Variants in PEX13 observed in about 807,000 individuals in gnomAD.
The protein encoded by PEX13 is peroxisomal biogenesis factor 13.
A neutral mutation model predicts 34.5 loss-of-function variants in PEX13; 28 were observed. The ratio of observed to expected loss-of-function variants is 0.81; its 90% CI spans 0.60 to 1.11. PEX13 has a LOEUF of 1.11. Among genes scored for constraint, PEX13 ranks in the 50% most tolerant of loss-of-function variants. PEX13 has a pLI of 0.00. For missense variants in PEX13, 550 were observed against 491.0 expected (o/e 1.12, Z -1.13); for synonymous variants, 177 against 175.1 (o/e 1.01, Z -0.09).
chr2:61,051,302 CAG>C lies in PEX13; in HGVS notation c.*2534_*2535del, dbSNP rs1680795171. ...TTCTCAAAACAAATGTTTGATAAAA[CAG>C]ATTATTAAATTTGGGGTTGAGATGT... is the stretch of plus-strand genomic sequence containing the variant. On this transcript the variant is annotated 3_prime_UTR_variant, in exon 4 of 4. Transcript: ENST00000295030. 1 of 152,186 alleles carries C rather than the reference CAG, an allele frequency of 6.6e-6. No homozygotes were observed. The highest frequency in any genetic ancestry group is 2.1e-4 in the South Asian group (1 of 4,834). The allele number at this position is 152,186 out of a possible 1,614,324, so 9.4% of individuals were successfully genotyped here. A position where few individuals can be genotyped will look rare whatever the true frequency, so the allele number is the denominator to read the frequency against.
At chr2:61,046,655 C>T (rs900635116) in intron 3 of PEX13, among the ~76,000 whole-genome samples, 9 of 152,112 alleles carry the variant, frequency 5.9e-5, no homozygotes, top group African/African-American at 1.9e-4. Flanking sequence ...CTTGAAGAAA[C>T]TGAGACTCAG....
chr2:61,031,436 C>G lies in PEX13; in HGVS notation c.110C>G (p.Pro37Arg). The change falls in exon 2 of 4, where the codon CCT becomes CGT. Residue 37 changes from proline (P) to arginine (R), a missense_variant. Pro to Arg is a moderately radical substitution (Grantham distance 103). Coordinates refer to ENST00000295030, the MANE Select transcript of PEX13 (RefSeq NM_002618.4). ...GGTTTTAGATCTGCTGATTTGGGTC[C>G]TACTTTAATGACAAGACCTGGACAA... ...GPTFQSADLG[P>R]TLMTRPGQPA... The G allele has an allele frequency of 6.2e-7, 1 of 1,613,958 alleles. No individual in the cohort carries two copies. The highest frequency in any genetic ancestry group is 8.5e-7 in the Non-Finnish European group (1 of 1,179,886).
At chr2:61,021,664 A>G (rs1324350177) in intron 1 of PEX13, among the ~76,000 whole-genome samples, 3 of 152,254 alleles carry the variant, frequency 2.0e-5, no homozygotes, top group South Asian at 4.1e-4. Flanking sequence ...TGAAGAGAGC[A>G]GTGGTTCTCC....
chr2:61,024,207 C>T (rs762730160), intron 1 of PEX13, among the ~76,000 whole-genome samples: 3 of 152,128 alleles, frequency 2.0e-5, no homozygotes, highest in Non-Finnish European at 4.4e-5. Context: ...CTTTGTTAGG[C>T]CTCAGTGTGG....
At chr2:61,022,420 A>G (rs1488753460) in intron 1 of PEX13, among the ~76,000 whole-genome samples, 1 of 152,250 alleles carries the variant, frequency 6.6e-6, no homozygotes, top group East Asian at 1.9e-4. Context: ...AAGTGGAAAA[A>G]AGGATATCAG....
intron 1 of PEX13, among the ~76,000 whole-genome samples, chr2:61,024,606 G>C (rs534266775): frequency 3.7e-4 from 57 of 152,224 alleles, no homozygotes; most frequent in African/African-American, 1.3e-3. Context: ...TCAGGAGATC[G>C]AGACCATCCT....
chr2:61,044,005 A>G (rs528233011), intron 2 of PEX13, among the ~76,000 whole-genome samples: 34 of 151,784 alleles, frequency 2.2e-4, no homozygotes, highest in Non-Finnish European at 4.9e-4. Flanking sequence ...GCTGGAGTGC[A>G]GTAGCGTGAT....
At chr2:61,026,331 C>T (rs1051518932) in intron 1 of PEX13, among the ~76,000 whole-genome samples, 5 of 150,582 alleles carry the variant, frequency 3.3e-5, no homozygotes, top group East Asian at 1.9e-4. Flanking sequence ...GCTGTGGCCA[C>T]CTTTTCTTTT....
chr2:61,041,297 C>T (rs1680622511), intron 2 of PEX13, among the ~76,000 whole-genome samples: 1 of 151,758 alleles, frequency 6.6e-6, no homozygotes, highest in South Asian at 2.1e-4. Flanking sequence ...CCACTGTACT[C>T]CAGTTTGGGT....
intron 3 of PEX13, among the ~76,000 whole-genome samples, chr2:61,047,006 T>C (rs932178751): frequency 6.6e-6 from 1 of 152,102 alleles, no homozygotes; most frequent in African/African-American, 2.4e-5. Flanking sequence ...GAAGGATCAC[T>C]TGAGGCCAGG....
intron 1 of PEX13, chr2:61,018,236 C>G: frequency 6.4e-7 from 1 of 1,551,086 alleles, no homozygotes; most frequent in Non-Finnish European, 8.7e-7. Context: ...GCCACGGCAT[C>G]GACAGGGAGC....
chr2:61,017,892 G>A (rs1471428715), intron 1 of PEX13, 41 bp downstream of exon 1: 3 of 1,533,234 alleles, frequency 2.0e-6, no homozygotes, highest in South Asian at 2.4e-5. Context: ...TAGTGGGCCC[G>A]AGCGGGGACT....
chr2:61,018,582 G>A (rs1357387186), intron 1 of PEX13: 1 of 228,990 alleles, frequency 4.4e-6, no homozygotes, highest in Non-Finnish European at 8.5e-6. Flanking sequence ...TTGTTTGGTA[G>A]TGCTGGACAT....
intron 2 of PEX13, among the ~76,000 whole-genome samples, chr2:61,035,137 A>G (rs201631260): frequency 6.6e-6 from 1 of 152,190 alleles, no homozygotes; most frequent in Non-Finnish European, 1.5e-5. Context: ...TCAGGCAGCA[A>G]TATTTGCTGT....
At chr2:61,032,293 T>A (rs1412895210) in intron 2 of PEX13, among the ~76,000 whole-genome samples, 180 bp downstream of exon 2, 1 of 152,232 alleles carries the variant, frequency 6.6e-6, no homozygotes, top group African/African-American at 2.4e-5. Flanking sequence ...ATTAGTTTAT[T>A]GTTCAGTTTA....
Position 61,031,984 on chromosome 2 carries a change from TGC to T in PEX13, c.659_660del (p.Cys220SerfsTer4). The T allele has an allele frequency of 6.2e-7, 1 of 1,613,962 alleles. No individual in the cohort carries two copies. Among genetic ancestry groups the T allele is most frequent in the Non-Finnish European group, 8.5e-7 (1 of 1,179,834 alleles). On this transcript the variant is annotated frameshift_variant, in exon 2 of 4. Transcript: ENST00000295030. LOFTEE classifies it high-confidence loss of function. ...LWAESEGTVACLGAEDRAATS... is the reference protein window; with the variant it reads ...LWAESEGTVAXLGAEDRAATS... ...GGCAGAGAGTGAAGGAACTGTGGCA[TGC>T]CTTGGTGCTGAGGACCGAGCAGCTA...
At position 61,049,904 on chromosome 2, in the gene PEX13, A is replaced by T. The variant is rs1180555128; in HGVS notation, c.*1134A>T. On this transcript the variant is annotated 3_prime_UTR_variant, in exon 4 of 4. Coordinates refer to ENST00000295030, the MANE Select transcript of PEX13 (RefSeq NM_002618.4). ...AGTTCTTTTGAGTTTGCACTTAATG[A>T]TATAATCAGTTATAATAGTAATTTT... The T allele has an allele frequency of 2.6e-5, 4 of 152,236 alleles. No individual in the cohort carries two copies. The South Asian group carries it at 8.3e-4, about 32-fold the overall frequency. The allele number at this position is 152,236 out of a possible 1,614,324, so 9.4% of individuals were successfully genotyped here. A position where few individuals can be genotyped will look rare whatever the true frequency, so the allele number is the denominator to read the frequency against.
chr2:61,048,309 G>C (rs1159130800), intron 3 of PEX13, among the ~76,000 whole-genome samples, 163 bp from the exon 4 acceptor site: 5 of 152,182 alleles, frequency 3.3e-5, no homozygotes, highest in African/African-American at 1.2e-4. Flanking sequence ...CCCTAGAACT[G>C]TTAAGCCTAC....
At chr2:61,020,399 T>A (rs888183040) in intron 1 of PEX13, among the ~76,000 whole-genome samples, 1 of 152,228 alleles carries the variant, frequency 6.6e-6, no homozygotes, top group Non-Finnish European at 1.5e-5. Context: ...TGATTTTTTT[T>A]AATGTAAATA....
Sources: allele counts gnomAD v4.1 joint callset (sites outside exome capture counted in the v4.1 genomes callset), GRCh38; gene constraint gnomAD v4.1.1; transcripts MANE v1.5; gene names NCBI Gene and HGNC (gene_info 2026-07-23, HGNC 2026-07-21).